The following USP3 variants were observed in gnomAD, a reference collection of about 807,000 sequenced individuals.
USP3 encodes the protein ubiquitin carboxyl-terminal hydrolase 3.
In USP3, 20 loss-of-function variants were observed where a neutral mutation model predicts 72.3. The observed-to-expected ratio is 0.28, with a 90% CI of 0.19 to 0.40. The LOEUF is 0.40. Ranked by LOEUF, USP3 falls within the 10% of genes least tolerant of loss-of-function variation. USP3 has a pLI of 1.00. For missense variants in USP3, 479 were observed against 633.9 expected (o/e 0.76, Z 2.62); for synonymous variants, 222 against 225.3 (o/e 0.99, Z 0.13).
At chr15:63,589,908 T>C (rs1036810824) in intron 14 of USP3, among the ~76,000 whole-genome samples, 1 of 152,128 alleles carries the variant, frequency 6.6e-6, no homozygotes, top group Admixed American at 6.5e-5. Flanking sequence ...ATCAGTCACA[T>C]TTTTCTGACA....
In USP3 at chr15:63,562,950, A is replaced by G. The variant is rs748635067; in HGVS notation, c.703A>G (p.Thr235Ala). 3 of 1,613,028 alleles carry G rather than the reference A, an allele frequency of 1.9e-6. No homozygotes were observed. The East Asian group carries it at 6.7e-5, about 36-fold the overall frequency. Residue 235 changes from threonine to alanine, a missense_variant, in exon 8 of 15, where the codon ACT becomes GCT. Thr to Ala is a moderately conservative substitution (Grantham distance 58). Coordinates refer to ENST00000380324, the MANE Select transcript of USP3 (RefSeq NM_006537.4). The part of the protein sequence containing the change: ...TLCALWQGSQ[T>A]AFSPESLFYV... ...CTGTGCTTTATGGCAAGGCAGCCAG[A>G]CTGCATTTAGCCCAGAGTCCTTATT...
intron 14 of USP3, 109 bp from the exon 15 acceptor site, chr15:63,590,552 A>G (rs2067176866): frequency 1.9e-6 from 2 of 1,079,948 alleles, no homozygotes; most frequent in Admixed American, 3.4e-5. Flanking sequence ...TCTTAAATCA[A>G]AAGTCTAGGA....
In USP3 at chr15:63,574,162, A is replaced by G; in HGVS notation, c.1015+10A>G. On this transcript the variant is annotated intron_variant, in intron 10 of 14. Transcript: ENST00000380324. The surrounding 1 kb of genome is among the most constrained non-coding windows in gnomAD (Gnocchi z 4.6). Reference sequence around the variant, plus strand: ...TTTGATCCATTCCTAGGTAAGATATATGTGGCATGTGGATATATAATATTT... The same window carrying G: ...TTTGATCCATTCCTAGGTAAGATATGTGTGGCATGTGGATATATAATATTT... The G allele has an allele frequency of 6.5e-7, 1 of 1,527,044 alleles. No individual in the cohort carries two copies. Among genetic ancestry groups the G allele is most frequent in the Non-Finnish European group, 8.9e-7 (1 of 1,129,612 alleles). The allele number at this position is 1,527,044 out of a possible 1,614,324, so 94.6% of individuals were successfully genotyped here. A position where few individuals can be genotyped will look rare whatever the true frequency, so the allele number is the denominator to read the frequency against.
At chr15:63,552,797 G>T (rs993890914) in intron 3 of USP3, among the ~76,000 whole-genome samples, 3 of 152,110 alleles carry the variant, frequency 2.0e-5, no homozygotes, top group East Asian at 3.9e-4. Flanking sequence ...TGCTAGAGAT[G>T]ACCTAATTTT....
chr15:63,509,298 A>G (rs925389516), intron 1 of USP3, among the ~76,000 whole-genome samples: 7 of 152,206 alleles, frequency 4.6e-5, no homozygotes, highest in Admixed American at 3.9e-4. Context: ...CAATTAGTAA[A>G]TATTTGCCTG....
chr15:63,549,757 A>G (rs560403001), intron 3 of USP3, among the ~76,000 whole-genome samples: 3 of 152,328 alleles, frequency 2.0e-5, no homozygotes, highest in Admixed American at 6.5e-5. Context: ...AGGGGTAACA[A>G]TGTAAATCAC....
intron 1 of USP3, among the ~76,000 whole-genome samples, chr15:63,515,874 G>A (rs949063600): frequency 2.0e-5 from 3 of 152,184 alleles, no homozygotes; most frequent in Non-Finnish European, 2.9e-5. Context: ...GCTGTCCACA[G>A]ACAATCTCTG....
intron 11 of USP3, among the ~76,000 whole-genome samples, chr15:63,584,402 C>CA: frequency 6.6e-6 from 1 of 152,216 alleles, no homozygotes; most frequent in South Asian, 2.1e-4. Flanking sequence ...CCAGCCGGTA[C>CA]AAAGGTTTTA....
At chr15:63,587,400 CAA>C (rs903715517) in intron 11 of USP3, among the ~76,000 whole-genome samples, 2 of 152,070 alleles carry the variant, frequency 1.3e-5, no homozygotes, top group African/African-American at 4.8e-5. Flanking sequence ...GCACAGGGGC[CAA>C]AGAGTAAATA....
intron 4 of USP3, among the ~76,000 whole-genome samples, chr15:63,555,385 T>C (rs1314741251): frequency 1.3e-5 from 2 of 152,236 alleles, no homozygotes; most frequent in Admixed American, 1.3e-4. Context: ...GACAGAAATG[T>C]TCTCCATCCA....
At chr15:63,581,547 CTAAT>C (rs2066962626) in intron 11 of USP3, among the ~76,000 whole-genome samples, 4 of 128,034 alleles carry the variant, frequency 3.1e-5, no homozygotes, top group South Asian at 2.4e-4. Flanking sequence ...CCACACCCGG[CTAAT>C]TTTTTTTTTT....
chr15:63,556,526 G>A (rs1392280712), intron 4 of USP3, 141 bp from the exon 5 acceptor site: 6 of 539,034 alleles, frequency 1.1e-5, no homozygotes, highest in Non-Finnish European at 1.7e-5. Context: ...TCAAATACGT[G>A]TGGGCCCCAG....
intron 1 of USP3, among the ~76,000 whole-genome samples, chr15:63,527,267 A>AG (rs2065996417): frequency 6.6e-6 from 1 of 152,228 alleles, no homozygotes; most frequent in African/African-American, 2.4e-5. Context: ...CACTAAGGAA[A>AG]TAGACCCAGA....
intron 1 of USP3, among the ~76,000 whole-genome samples, chr15:63,512,261 T>G (rs1223463094): frequency 6.6e-6 from 1 of 151,170 alleles, no homozygotes; most frequent in East Asian, 2.0e-4. Context: ...TAAAACAGAT[T>G]TCCCCTCTTC....
At position 63,553,442 on chromosome 15, in the gene USP3, A is replaced by G. The variant is rs1351104577; in HGVS notation, c.285-273A>G. 13 of 263,860 alleles carry G rather than the reference A, an allele frequency of 4.9e-5. No individual in the cohort carries two copies. The highest frequency in any genetic ancestry group is 8.5e-5 in the Non-Finnish European group (12 of 140,702). 16.3% of individuals were successfully genotyped at this position (263,860 alleles called of 1,614,324 possible). On this transcript the variant is annotated intron_variant, in intron 3 of 14. Transcript: ENST00000380324. This position sits in a 1 kb window ranked among gnomAD's most constrained non-coding sequence, Gnocchi z 4.2. ...GGCACCACTAAAAAGAATGTAACAC[A>G]TGTAGCAGCTTATTTCATTTTCAAA...
At chr15:63,507,064 G>A (rs548140177) in intron 1 of USP3, among the ~76,000 whole-genome samples, 6 of 152,058 alleles carry the variant, frequency 3.9e-5, no homozygotes, top group African/African-American at 1.4e-4. Context: ...TTATATAGTC[G>A]TATTTTTTTT....
chr15:63,580,529 C>A (rs1230138973), intron 11 of USP3, among the ~76,000 whole-genome samples: 2 of 150,806 alleles, frequency 1.3e-5, no homozygotes, highest in East Asian at 3.9e-4. Context: ...AGCTTTATTT[C>A]CTGCTTTCCA....
chr15:63,568,791 TC>T (rs146405548), intron 8 of USP3, among the ~76,000 whole-genome samples: 2,147 of 152,302 alleles, frequency 0.014, 52 homozygotes, highest in African/African-American at 0.049. Context: ...CAGGGAGTGT[TC>T]CCTGGTAAAT....
rs774735859 is a variant in USP3, at chr15:63,588,462, G to C, written c.1215+39G>C. ...TTTGAGTTATGAAGCAATTTCAATGGGAAAGTGCTTGACTGCTAAGACCAT... is the reference window on the plus strand; with the variant it reads ...TTTGAGTTATGAAGCAATTTCAATGCGAAAGTGCTTGACTGCTAAGACCAT... On this transcript the variant is annotated intron_variant, in intron 12 of 14. Coordinates refer to ENST00000380324, the MANE Select transcript of USP3 (RefSeq NM_006537.4). The surrounding 1 kb of genome is among the most constrained non-coding windows in gnomAD (Gnocchi z 4.6). 1 of 1,401,150 alleles carries C rather than the reference G, an allele frequency of 7.1e-7. No homozygotes were observed. The highest frequency in any genetic ancestry group is 1.0e-6 in the Non-Finnish European group (1 of 1,002,800). The allele number at this position is 1,401,150 out of a possible 1,614,324, so 86.8% of individuals were successfully genotyped here. A position where few individuals can be genotyped will look rare whatever the true frequency, so the allele number is the denominator to read the frequency against.
Sources: allele counts gnomAD v4.1 joint callset (sites outside exome capture counted in the v4.1 genomes callset), GRCh38; gene constraint gnomAD v4.1.1; non-coding constraint Gnocchi (gnomAD v3.1); transcripts MANE v1.5; gene names NCBI Gene and HGNC (gene_info 2026-07-23, HGNC 2026-07-21).